WBP2NL: variants seen among roughly 807,000 people sequenced by gnomAD.
WBP2NL encodes WBP2 N-terminal like.
WBP2NL carries 27 observed loss-of-function variants against 23.3 expected under a neutral mutation model. The observed-to-expected ratio is 1.16, with a 90% CI of 0.85 to 1.60. The LOEUF (loss-of-function observed/expected upper bound fraction) is 1.60. Among genes scored for constraint, WBP2NL ranks in the 40% most tolerant of loss-of-function variants. The probability of loss-of-function intolerance (pLI) is 0.00; values close to 1 mark genes in which losing one functional copy is unlikely to be tolerated. For synonymous variants in WBP2NL, 151 were observed against 145.9 expected (o/e 1.03, Z -0.25); for missense variants, 370 against 389.5 (o/e 0.95, Z 0.42).
chr22:42,026,452 G>A (rs1345187900), intron 5 of WBP2NL, among the ~76,000 whole-genome samples: 1 of 151,664 alleles, frequency 6.6e-6, no homozygotes, highest in Non-Finnish European at 1.5e-5. Context: ...TTTTCCAAAC[G>A]CATATTCCTC....
chr22:42,034,708 C>T (rs373254612), downstream of WBP2NL, among the ~76,000 whole-genome samples: 7 of 152,156 alleles, frequency 4.6e-5, no homozygotes, highest in Non-Finnish European at 1.0e-4. Context: ...GAGACAGGTA[C>T]GCCCCGGGGG....
At chr22:42,052,040 C>G (rs1272872939) in intron 8 of WBP2NL, among the ~76,000 whole-genome samples, 1 of 152,146 alleles carries the variant, frequency 6.6e-6, no homozygotes, top group African/African-American at 2.4e-5. Context: ...AACTAAATTA[C>G]CATCTTATTC....
intron 8 of WBP2NL, among the ~76,000 whole-genome samples, chr22:42,054,709 C>T (rs1189045470): frequency 2.8e-5 from 4 of 144,372 alleles, no homozygotes; most frequent in Non-Finnish European, 5.9e-5. Flanking sequence ...GGTCTTAGTA[C>T]CTTTGTAAAA....
chr22:42,017,241 G>A (rs575281102), intron 1 of WBP2NL, among the ~76,000 whole-genome samples: 64 of 152,212 alleles, frequency 4.2e-4, no homozygotes, highest in African/African-American at 1.5e-3. Flanking sequence ...TCAGCCTTCC[G>A]AGTAGCTGAG....
chr22:42,042,009 T>A (rs536068024), intron 8 of WBP2NL, among the ~76,000 whole-genome samples: 1 of 152,240 alleles, frequency 6.6e-6, no homozygotes, highest in Non-Finnish European at 1.5e-5. Context: ...CATTCTTTCC[T>A]GGCCTACAAA....
chr22:42,011,977 A>T (rs899030013), intron 1 of WBP2NL, among the ~76,000 whole-genome samples: 1 of 151,970 alleles, frequency 6.6e-6, no homozygotes, highest in Non-Finnish European at 1.5e-5. Flanking sequence ...GGGTTTCGCC[A>T]TGTTGGCCAG....
intron 1 of WBP2NL, among the ~76,000 whole-genome samples, chr22:42,004,096 C>T (rs373589582): frequency 6.6e-6 from 1 of 151,856 alleles, no homozygotes; most frequent in Non-Finnish European, 1.5e-5. Context: ...CGTGGTGAAA[C>T]CCTGTCTCTA....
At chr22:41,999,182 C>T (rs1047429307) in intron 1 of WBP2NL, among the ~76,000 whole-genome samples, 3 of 152,216 alleles carry the variant, frequency 2.0e-5, no homozygotes, top group African/African-American at 7.2e-5. Context: ...GTGCGAGACG[C>T]GTGTGTCCTT....
chr22:42,021,229 G>A (rs868184695), intron 4 of WBP2NL, among the ~76,000 whole-genome samples: 1 of 151,814 alleles, frequency 6.6e-6, no homozygotes, highest in African/African-American at 2.4e-5. Flanking sequence ...CGGTCCTTGC[G>A]ATCTTTAACC....
chr22:42,010,203 C>T (rs1368750964), intron 1 of WBP2NL, among the ~76,000 whole-genome samples: 1 of 152,168 alleles, frequency 6.6e-6, no homozygotes, highest in Non-Finnish European at 1.5e-5. Context: ...TTTTGGTGGA[C>T]TCTTTAAGTT....
intron 5 of WBP2NL, among the ~76,000 whole-genome samples, chr22:42,024,876 C>T (rs1034924002): frequency 6.6e-6 from 1 of 150,688 alleles, no homozygotes; most frequent in Non-Finnish European, 1.5e-5. Flanking sequence ...CATCTTGGCT[C>T]ACTGCAATCT....
chr22:42,000,374 C>T (rs912043138), intron 1 of WBP2NL, among the ~76,000 whole-genome samples: 8 of 152,212 alleles, frequency 5.3e-5, no homozygotes, highest in Non-Finnish European at 1.2e-4. Flanking sequence ...TGAGCACTTA[C>T]TGAGAGCCAT....
chr22:42,047,641 A>G (rs1372968188), intron 8 of WBP2NL, among the ~76,000 whole-genome samples: 2 of 110,652 alleles, frequency 1.8e-5, no homozygotes, highest in Non-Finnish European at 3.8e-5. Context: ...TTTTTTTTTG[A>G]GACAGAGTCT....
intron 1 of WBP2NL, among the ~76,000 whole-genome samples, chr22:42,005,303 C>T (rs536001775): frequency 3.5e-4 from 54 of 152,236 alleles, no homozygotes; most frequent in Non-Finnish European, 6.8e-4. Flanking sequence ...CACCTGAGGT[C>T]AGGAGTTTGA....
chr22:42,000,367 G>A (rs8138080), intron 1 of WBP2NL, among the ~76,000 whole-genome samples: 44,344 of 152,060 alleles, frequency 0.29, 6,957 homozygotes, highest in Admixed American at 0.37. Context: ...GTCCCCGTGA[G>A]CACTTACTGA....
intron 1 of WBP2NL, among the ~76,000 whole-genome samples, chr22:42,013,651 G>A (rs550667616): frequency 6.6e-5 from 10 of 152,062 alleles, no homozygotes; most frequent in African/African-American, 9.7e-5. Flanking sequence ...TCTCTATCAC[G>A]TAGGCTGGAG....
intron 8 of WBP2NL, among the ~76,000 whole-genome samples, chr22:42,055,963 G>C (rs1926011665): frequency 6.6e-6 from 1 of 151,340 alleles, no homozygotes; most frequent in Non-Finnish European, 1.5e-5. Context: ...TTTTTGGATT[G>C]TGTGTGCACT....
At chr22:42,024,147 A>G (rs959328344) in intron 5 of WBP2NL, among the ~76,000 whole-genome samples, 6 of 152,216 alleles carry the variant, frequency 3.9e-5, no homozygotes, top group African/African-American at 1.4e-4. Context: ...AGGTTCCTCC[A>G]AGTTGTAGCA....
At chr22:42,010,884 A>T (rs1922749974) in intron 1 of WBP2NL, among the ~76,000 whole-genome samples, 1 of 152,128 alleles carries the variant, frequency 6.6e-6, no homozygotes, top group Non-Finnish European at 1.5e-5. Flanking sequence ...ATCGATTGTG[A>T]TGATCGCATG....
Sources: allele counts gnomAD v4.1 joint callset (sites outside exome capture counted in the v4.1 genomes callset), GRCh38; gene constraint gnomAD v4.1.1; transcripts MANE v1.5; gene names NCBI Gene and HGNC (gene_info 2026-07-23, HGNC 2026-07-21).